Variants in RTL4 observed in about 807,000 individuals in gnomAD.
RTL4 encodes retrotransposon Gag like 4.
Under a neutral mutation model 5.3 loss-of-function variants are expected in RTL4, and 4 were observed. The observed-to-expected ratio is 0.75, with a 90% CI of 0.37 to 1.72. The LOEUF is 1.72. RTL4 is among the 40% of genes most tolerant of loss of function. The probability of loss-of-function intolerance (pLI) is 0.04; values close to 1 mark genes in which losing one functional copy is unlikely to be tolerated. For synonymous variants in RTL4, 98 were observed against 87.3 expected, an observed-to-expected ratio of 1.12 and a Z score of -0.68; for missense variants, 260 against 227.1, an observed-to-expected ratio of 1.14 and a Z score of -0.93.
the RTL4 span, among the ~76,000 whole-genome samples, chrX:112,267,645 A>T: frequency 3.6e-5 from 4 of 111,379 alleles, no homozygotes; most frequent in Admixed American, 3.8e-4. Context: ...TAGTTTGCAG[A>T]CTCATACTTC....
the RTL4 span, among the ~76,000 whole-genome samples, chrX:112,252,657 C>T: frequency 2.7e-5 from 3 of 111,356 alleles, no homozygotes; most frequent in African/African-American, 9.8e-5. Flanking sequence ...TATAGTGCTC[C>T]TATCATTCTT....
At chrX:112,285,081 T>A in the RTL4 span, among the ~76,000 whole-genome samples, 2 of 112,061 alleles carry the variant, frequency 1.8e-5, no homozygotes, top group Non-Finnish European at 3.8e-5. Context: ...TACCAGGTGA[T>A]CATAATATAT....
the RTL4 span, among the ~76,000 whole-genome samples, chrX:112,428,218 T>A: frequency 8.9e-6 from 1 of 112,033 alleles, no homozygotes; most frequent in East Asian, 2.8e-4. Flanking sequence ...TTGCAAATTG[T>A]GCTTTTATAA....
chrX:112,213,467 T>C, the RTL4 span, among the ~76,000 whole-genome samples: 1 of 112,605 alleles, frequency 8.9e-6, no homozygotes, highest in Non-Finnish European at 1.9e-5. Context: ...CAAGGTCTGC[T>C]ATACTTGGCG....
chrX:112,100,877 A>T, the RTL4 span, among the ~76,000 whole-genome samples: 1 of 111,672 alleles, frequency 9.0e-6, no homozygotes, highest in African/African-American at 3.3e-5. Context: ...CCCATGTAAA[A>T]ATCAGGCAGG....
chrX:112,190,902 G>A, the RTL4 span, among the ~76,000 whole-genome samples: 1 of 111,984 alleles, frequency 8.9e-6, no homozygotes, highest in Non-Finnish European at 1.9e-5. Flanking sequence ...TAGTATCCAT[G>A]TACTGATCTT....
the RTL4 span, among the ~76,000 whole-genome samples, chrX:112,363,849 A>C: frequency 5.4e-5 from 6 of 111,553 alleles, no homozygotes; most frequent in Non-Finnish European, 1.1e-4. Flanking sequence ...ATGTGACCAC[A>C]GTGAGATACA....
the RTL4 span, among the ~76,000 whole-genome samples, chrX:112,374,684 T>C: frequency 8.9e-6 from 1 of 112,342 alleles, no homozygotes; most frequent in Non-Finnish European, 1.9e-5. Flanking sequence ...CAATTTTCTG[T>C]GTAGACACCT....
chrX:112,365,296 A>G, the RTL4 span, among the ~76,000 whole-genome samples: 1 of 111,359 alleles, frequency 9.0e-6, no homozygotes, highest in African/African-American at 3.3e-5. Flanking sequence ...ACTGCAAGAC[A>G]GAAAGAATGA....
the RTL4 span, among the ~76,000 whole-genome samples, chrX:112,331,367 C>T: frequency 2.8e-5 from 3 of 106,165 alleles, no homozygotes; most frequent in African/African-American, 6.8e-5. Context: ...AGACACTTCT[C>T]AAAAGAAGAC....
the RTL4 span, among the ~76,000 whole-genome samples, chrX:112,368,737 C>T: frequency 5.4e-5 from 6 of 111,886 alleles, no homozygotes; most frequent in East Asian, 1.7e-3. Context: ...TAAATAAACT[C>T]AGAGGCCTCT....
At chrX:112,122,215 T>C in the RTL4 span, among the ~76,000 whole-genome samples, 3 of 111,492 alleles carry the variant, frequency 2.7e-5, no homozygotes, top group Non-Finnish European at 5.7e-5. Context: ...ATAAAGAAAA[T>C]GTAGTACATA....
chrX:112,163,259 A>G, the RTL4 span, among the ~76,000 whole-genome samples: 2 of 112,111 alleles, frequency 1.8e-5, no homozygotes, highest in African/African-American at 6.5e-5. Context: ...TGACTTTGGC[A>G]AATTATTTAA....
upstream of RTL4, among the ~76,000 whole-genome samples, chrX:112,450,179 A>T (rs1926711061): frequency 8.9e-6 from 1 of 111,999 alleles, no homozygotes; most frequent in African/African-American, 3.2e-5. Context: ...GGTACTGCTG[A>T]CTCTTCTCCA....
the RTL4 span, among the ~76,000 whole-genome samples, chrX:112,203,487 G>A: frequency 2.4e-4 from 27 of 111,274 alleles, no homozygotes; most frequent in Admixed American, 5.7e-4. Context: ...AAGTGTTCTA[G>A]CACCACTTGT....
chrX:112,196,352 T>A, the RTL4 span, among the ~76,000 whole-genome samples: 2 of 111,762 alleles, frequency 1.8e-5, no homozygotes, highest in Non-Finnish European at 3.8e-5. Context: ...GTCCGTGGTA[T>A]GAATGTTACA....
At chrX:112,231,907 G>C in the RTL4 span, among the ~76,000 whole-genome samples, 1 of 111,407 alleles carries the variant, frequency 9.0e-6, no homozygotes, top group African/African-American at 3.3e-5. Context: ...TTTAAGCCCT[G>C]ATCCTCTAAC....
chrX:112,300,959 C>T, the RTL4 span, among the ~76,000 whole-genome samples: 2 of 111,355 alleles, frequency 1.8e-5, no homozygotes, highest in African/African-American at 6.5e-5. Flanking sequence ...GAGACTCACA[C>T]AGACAGTGCT....
At chrX:112,262,181 A>G in the RTL4 span, among the ~76,000 whole-genome samples, 4 of 112,305 alleles carry the variant, frequency 3.6e-5, no homozygotes, top group Non-Finnish European at 7.5e-5. Flanking sequence ...ACAAAAGCCA[A>G]AATAGACAAA....
Sources: gnomAD v4.1 joint callset for allele counts (sites outside exome capture counted in the v4.1 genomes callset) on GRCh38, gnomAD v4.1.1 for gene constraint, MANE v1.5 for transcripts, NCBI Gene and HGNC (gene_info 2026-07-23, HGNC 2026-07-21) for gene names.